Variants in GATA1 observed in about 807,000 individuals in gnomAD.
GATA1 encodes GATA binding protein 1, also known as erythroid transcription factor.
GATA1 carries 2 observed loss-of-function variants against 18.9 expected under a neutral mutation model. The ratio of observed to expected loss-of-function variants is 0.11; its 90% CI spans 0.04 to 0.33. GATA1 has a LOEUF of 0.33. GATA1 is among the 10% of genes least tolerant of loss of function. GATA1 has a pLI of 1.00. For synonymous variants in GATA1, 152 were observed against 149.1 expected, an observed-to-expected ratio of 1.02 and a Z score of -0.14; for missense variants, 272 against 344.7, an observed-to-expected ratio of 0.79 and a Z score of 1.67.
At chrX:48,793,448 TCTA>T (rs1280254104) in intron 5 of GATA1, 151 bp downstream of exon 5, 6 of 429,966 alleles carry the variant, frequency 1.4e-5, no homozygotes, top group Non-Finnish European at 2.3e-5. Context: ...CCCCATCTCT[TCTA>T]CTTTCCCCCT....
chrX:48,793,145 C>T (rs1311207649), intron 4 of GATA1, 27 bp from the exon 5 acceptor site: 4 of 1,209,897 alleles, frequency 3.3e-6, no homozygotes, highest in Non-Finnish European at 4.5e-6. Context: ...CCCCAGGGCA[C>T]TGATCTCACA....
In GATA1 at chrX:48,792,135, CCTT is replaced by C. The variant is rs1557020244; in HGVS notation, c.516_518del (p.Phe173del). 5 of 1,211,125 alleles carry C rather than the reference CCTT, an allele frequency of 4.1e-6. No homozygotes were observed. Among genetic ancestry groups the C allele is most frequent in the South Asian group, 3.5e-5 (2 of 56,964 alleles). On this transcript the variant is annotated inframe_deletion, in exon 3 of 6. Transcript: ENST00000376670. ...TATGGGGGCCCTGACTTTTCCAGTA[CCTT>C]CTTTTCTCCCACCGGGAGCCCCCTC...
intron 3 of GATA1, 34 bp from the exon 4 acceptor site, chrX:48,792,289 G>GCCTA (rs1557020288): frequency 8.3e-7 from 1 of 1,210,025 alleles, no homozygotes; most frequent in African/African-American, 1.7e-5. Context: ...GCTGAGCTGA[G>GCCTA]CCTAGCTCCC....
Position 48,791,177 on chromosome X carries a change from T to G in GATA1, c.68T>G (p.Leu23Arg). ...CTCCCCCAGTTTGTGGATCCTGCTCTGGTGTCCTCCACACCAGAATCAGGG... is the reference window on the plus strand; with the variant it reads ...CTCCCCCAGTTTGTGGATCCTGCTCGGGTGTCCTCCACACCAGAATCAGGG... ...EPLPQFVDPA[L>R]VSSTPESGVF... is the part of the protein sequence containing the mutation. Residue 23 changes from leucine to arginine, a missense_variant, in exon 2 of 6, where the codon CTG becomes CGG. Around this residue, in one of 3 missense-constraint regions of GATA1, gnomAD observed 147 missense variants for 157.4 expected, o/e 0.93. Transcript: ENST00000376670. 8.3e-7 allele frequency: 1 copy of G among 1,208,554 alleles called. No individual in the cohort carries two copies. Among genetic ancestry groups the G allele is most frequent in the Non-Finnish European group, 1.1e-6 (1 of 893,728 alleles).
Position 48,792,079 on chromosome X carries a change from G to A in GATA1, c.456G>A (p.Leu152=), listed in dbSNP as rs1464134942. The change falls in exon 3 of 6, where the codon CTG becomes CTA. Residue 152 remains leucine (L), a synonymous_variant. Coordinates refer to ENST00000376670, the MANE Select transcript of GATA1 (RefSeq NM_002049.4). ...ACCTCCTGACCCTGGGACCTGCACT[G>A]CCTTCATCACTCCCTGTCCCCAATA... ...SPDLLTLGPA[L]PSSLPVPNSA... 8.3e-7 allele frequency: 1 copy of A among 1,212,007 alleles called. No homozygotes were observed. Among genetic ancestry groups the A allele is most frequent in the Admixed American group, 2.2e-5 (1 of 46,100 alleles).
Position 48,792,571 on chromosome X carries a change from T to C in GATA1, c.744+103T>C, listed in dbSNP as rs1192546019. The C allele has an allele frequency of 7.5e-6, 8 of 1,061,790 alleles. No individual in the cohort carries two copies. In the Admixed American group the frequency reaches 1.8e-4, roughly 24 times the overall value. The allele number at this position is 1,061,790 out of a possible 1,213,427, so 87.5% of individuals were successfully genotyped here. On this transcript the variant is annotated intron_variant, in intron 4 of 5. Transcript: ENST00000376670. ...TATATAGGAACGCTGTTCTCATGAT[T>C]ACAGGAAGCTACTGCAGGCCACCCT...
chrX:48,793,132 C>T (rs782064537), intron 4 of GATA1, 40 bp from the exon 5 acceptor site: 2 of 1,205,374 alleles, frequency 1.7e-6, no homozygotes, highest in East Asian at 3.0e-5. Context: ...CCCACTTCCA[C>T]ATCCCCAGGG....
intron 1 of GATA1, among the ~76,000 whole-genome samples, chrX:48,787,695 C>T (rs1275691749): frequency 1.8e-5 from 2 of 111,481 alleles, no homozygotes; most frequent in Non-Finnish European, 3.8e-5. Context: ...ACAACCCCGC[C>T]CATATCTGCC....
rs143332634 is a variant in GATA1 at position 48,792,103 on chromosome X, T to C, written c.480T>C (p.Asn160=). ...PALPSSLPVP[N]SAYGGPDFSS... is the part of the protein sequence containing the mutation. Reference sequence around the variant, plus strand: ...TGCCTTCATCACTCCCTGTCCCCAATAGTGCTTATGGGGGCCCTGACTTTT... The same window carrying C: ...TGCCTTCATCACTCCCTGTCCCCAACAGTGCTTATGGGGGCCCTGACTTTT... Residue 160 remains asparagine, a synonymous_variant, in exon 3 of 6, where the codon AAT becomes AAC. Coordinates refer to ENST00000376670, the MANE Select transcript of GATA1 (RefSeq NM_002049.4). The C allele has an allele frequency of 4.2e-5, 51 of 1,209,781 alleles. No homozygotes were observed. Among genetic ancestry groups the C allele is most frequent in the Non-Finnish European group, 7.8e-6 (7 of 894,939 alleles).
At chrX:48,790,172 G>A (rs1197466343) in intron 1 of GATA1, among the ~76,000 whole-genome samples, 1 of 110,620 alleles carries the variant, frequency 9.0e-6, no homozygotes, top group Non-Finnish European at 1.9e-5. Flanking sequence ...GGGAAGAGAG[G>A]CCGGAAGTGG....
chrX:48,788,101 T>G (rs1397351835), intron 1 of GATA1, among the ~76,000 whole-genome samples: 4 of 109,301 alleles, frequency 3.7e-5, no homozygotes, highest in African/African-American at 1.3e-4. Flanking sequence ...ACGTGTGAGG[T>G]GCAGGGGTTG....
At position 48,790,950 on chromosome X, in the gene GATA1, G is replaced by T. The variant is rs1557019936; in HGVS notation, c.-19-141G>T. On this transcript the variant is annotated intron_variant, in intron 1 of 5. Transcript: ENST00000376670. ...GAGGGGAGACTAAGGTGAGGAGGAGGGGGGAATGGGGAGGTGGGAAGGAGA... is the reference window on the plus strand; with the variant it reads ...GAGGGGAGACTAAGGTGAGGAGGAGTGGGGAATGGGGAGGTGGGAAGGAGA... 8.6e-6 allele frequency: 4 copies of T among 465,116 alleles called. No individual in the cohort carries two copies. The Admixed American group carries it at 1.2e-4, about 14-fold the overall frequency. The allele number at this position is 465,116 out of a possible 1,213,427, so 38.3% of individuals were successfully genotyped here.
Position 48,791,128 on chromosome X carries a change from G to C in GATA1, c.19G>C (p.Gly7Arg). Residue 7 changes from glycine (G) to arginine (R), a missense_variant, in exon 2 of 6, where the codon GGG (glycine) becomes CGG (arginine). Gly to Arg is a moderately radical substitution (Grantham distance 125, BLOSUM62 -2). Around this residue, in one of 3 missense-constraint regions of GATA1, gnomAD observed 147 missense variants for 157.4 expected, o/e 0.93. Coordinates refer to ENST00000376670, the MANE Select transcript of GATA1 (RefSeq NM_002049.4). ...AGGCTCCATGGAGTTCCCTGGCCTG[G>C]GGTCCCTGGGGACCTCAGAGCCCCT... MEFPGL[G>R]SLGTSEPLPQ... The C allele has an allele frequency of 8.3e-7, 1 of 1,206,113 alleles. No homozygotes were observed. The highest frequency in any genetic ancestry group is 2.3e-4 in the Middle Eastern group (1 of 4,330).
chrX:48,788,582 T>C (rs2062664778), intron 1 of GATA1, among the ~76,000 whole-genome samples: 1 of 111,514 alleles, frequency 9.0e-6, no homozygotes, highest in African/African-American at 3.3e-5. Context: ...ATCTCTTTCC[T>C]AGCATAACTC....
At chrX:48,792,513 C>T (rs1557020340) in intron 4 of GATA1, 45 bp downstream of exon 4, 6 of 1,199,114 alleles carry the variant, frequency 5.0e-6, no homozygotes, top group Admixed American at 2.2e-5. Context: ...GAACCCCTGT[C>T]CTCACCCTGT....
chrX:48,787,599 G>A (rs935185903), intron 1 of GATA1, among the ~76,000 whole-genome samples: 15 of 110,070 alleles, frequency 1.4e-4, no homozygotes, highest in African/African-American at 4.0e-4. Context: ...CTCAAACTTC[G>A]CCCCGATCCC....
intron 1 of GATA1, among the ~76,000 whole-genome samples, chrX:48,790,547 G>A (rs2062670856): frequency 9.2e-6 from 1 of 108,732 alleles, no homozygotes; most frequent in Non-Finnish European, 1.9e-5. Context: ...CAAGGAAGAG[G>A]GGAAACAGGA....
chrX:48,790,333 T>TA (rs782557449), intron 1 of GATA1, among the ~76,000 whole-genome samples: 1 of 109,617 alleles, frequency 9.1e-6, no homozygotes, highest in Non-Finnish European at 1.9e-5. Flanking sequence ...CACACACCTG[T>TA]AGTCCCAGCT....
intron 1 of GATA1, among the ~76,000 whole-genome samples, chrX:48,787,136 A>T (rs2062660870): frequency 9.1e-6 from 1 of 110,235 alleles, no homozygotes; most frequent in African/African-American, 3.3e-5. Context: ...CCTGTCTCTG[A>T]TCTGCCAAAC....
Sources: gnomAD v4.1 joint callset for allele counts (sites outside exome capture counted in the v4.1 genomes callset) on GRCh38, gnomAD v4.1.1 for gene constraint, gnomAD v4.1.1 regional missense constraint, MANE v1.5 for transcripts, NCBI Gene and HGNC (gene_info 2026-07-23, HGNC 2026-07-21) for gene names.